The following SLFN11 variants were observed in gnomAD, a reference collection of about 807,000 sequenced individuals.
SLFN11 encodes schlafen family member 11.
A neutral mutation model predicts 53.4 loss-of-function variants in SLFN11; 43 were observed. The ratio of observed to expected loss-of-function variants is 0.80; its 90% CI spans 0.63 to 1.04. The LOEUF is 1.04. Among genes scored for constraint, SLFN11 ranks in the 50% least tolerant of loss-of-function variants. The pLI, the probability that SLFN11 is intolerant of heterozygous loss-of-function variation, is 0.00. For missense variants in SLFN11, 990 were observed against 1,079.1 expected, an observed-to-expected ratio of 0.92 and a Z score of 1.16; for synonymous variants, 389 against 394.7, an observed-to-expected ratio of 0.99 and a Z score of 0.17.
chr17:35,354,042 G>A lies in SLFN11; in HGVS notation c.1216C>T (p.Arg406Ter), dbSNP rs200518229. ...LLFSVPPGYL[R>*]YTPESLWRDL... ...CTCCAGAGTGACTCTGGAGTATATC[G>A]CAAATATCCTGGTGGGACTGTATGT... The change falls in exon 6 of 7, where the codon CGA (arginine) becomes TGA (stop). Residue 406 changes from arginine (R) to a stop codon, truncating the protein, a stop_gained. Coordinates refer to ENST00000685675, the MANE Select transcript of SLFN11 (RefSeq NM_001376007.1). LOFTEE classifies it high-confidence loss of function. 3.7e-5 allele frequency: 60 copies of A among 1,609,864 alleles called. No homozygotes were observed. The highest frequency in any genetic ancestry group is 5.4e-5 in the African/African-American group (4 of 74,744).
chr17:35,370,593 A>G (rs1909521067), intron 1 of SLFN11, among the ~76,000 whole-genome samples: 1 of 152,146 alleles, frequency 6.6e-6, no homozygotes, highest in East Asian at 1.9e-4. Flanking sequence ...ACTATACCAG[A>G]TAACTATTAG....
At chr17:35,367,968 G>A (rs748110926) in intron 1 of SLFN11, among the ~76,000 whole-genome samples, 2 of 152,016 alleles carry the variant, frequency 1.3e-5, no homozygotes, top group African/African-American at 4.8e-5. Context: ...ACCCCCAAGC[G>A]AGGGGCTCAG....
intron 1 of SLFN11, among the ~76,000 whole-genome samples, chr17:35,373,032 G>A (rs1463260919): frequency 6.6e-6 from 1 of 151,962 alleles, no homozygotes; most frequent in Non-Finnish European, 1.5e-5. Context: ...GTGGTTGGTC[G>A]GTCACATAGA....
rs1293648240 is a variant in SLFN11 at position 35,350,798 on chromosome 17, A to T, written c.*1558T>A. The T allele has an allele frequency of 6.6e-6, 1 of 152,262 alleles. No homozygotes were observed. The highest frequency in any genetic ancestry group is 1.5e-5 in the Non-Finnish European group (1 of 68,046). 9.4% of individuals were successfully genotyped at this position (152,262 alleles called of 1,614,324 possible). A position where few individuals can be genotyped will look rare whatever the true frequency, so the allele number is the denominator to read the frequency against. The stretch of plus-strand genomic sequence containing the variant: ...GACAGGAGAAAGGCAAGGAAGTTCA[A>T]AAATCACAGTCTGGGGGGAAATCAG... On this transcript the variant is annotated 3_prime_UTR_variant, in exon 7 of 7. Coordinates refer to ENST00000685675, the MANE Select transcript of SLFN11 (RefSeq NM_001376007.1).
At position 35,367,786 on chromosome 17, in the gene SLFN11, C is replaced by CGGTTTCCATTTATTAGCTGTAT. The variant is rs767595664; in HGVS notation, c.-234-108_-234-87dup. On this transcript the variant is annotated intron_variant, in intron 1 of 6. Transcript: ENST00000685675. ...TCAGCTCTGCCATTTATTAGCTGTA[C>CGGTTTCCATTTATTAGCTGTAT]GGTTTCCATTTATTAGCTGTATGGT... 6.4e-4 allele frequency: 97 copies of CGGTTTCCATTTATTAGCTGTAT among 152,174 alleles called. 1 individual carries two copies. The highest frequency in any genetic ancestry group is 2.7e-3 in the Admixed American group (41 of 15,246). The allele number at this position is 152,174 out of a possible 1,614,324, so 9.4% of individuals were successfully genotyped here.
intron 5 of SLFN11, among the ~76,000 whole-genome samples, chr17:35,356,797 T>TACACACACACACAC (rs61566848): frequency 9.8e-4 from 138 of 140,182 alleles, no homozygotes; most frequent in African/African-American, 2.6e-3. Flanking sequence ...ATATGTAGCA[T>TACACACACACACAC]ACACACACAC....
intron 5 of SLFN11, among the ~76,000 whole-genome samples, chr17:35,356,006 A>G (rs571204666): frequency 6.6e-6 from 1 of 152,246 alleles, no homozygotes; most frequent in East Asian, 1.9e-4. Context: ...ACCATAAGAA[A>G]TCAATCAGGT....
intron 5 of SLFN11, among the ~76,000 whole-genome samples, chr17:35,359,773 A>T (rs1907970580): frequency 6.6e-6 from 1 of 152,156 alleles, no homozygotes; most frequent in African/African-American, 2.4e-5. Context: ...TGGCAAGGGC[A>T]GGCAGTTTTT....
intron 5 of SLFN11, 45 bp from the exon 6 acceptor site, chr17:35,354,104 TATTG>T: frequency 1.3e-6 from 2 of 1,499,102 alleles, no homozygotes; most frequent in South Asian, 1.4e-5. Context: ...GAAATAACCC[TATTG>T]ATTAAGATGA....
intron 1 of SLFN11, among the ~76,000 whole-genome samples, chr17:35,369,628 C>T (rs1909408819): frequency 6.6e-6 from 1 of 151,892 alleles, no homozygotes; most frequent in African/African-American, 2.4e-5. Context: ...CTTTACCAGG[C>T]TACCTGAGAA....
intron 5 of SLFN11, among the ~76,000 whole-genome samples, chr17:35,355,045 C>T (rs1176360305): frequency 6.6e-6 from 1 of 152,032 alleles, no homozygotes; most frequent in African/African-American, 2.4e-5. Context: ...GGGAGATACA[C>T]ATCTTAGAAT....
rs138127975 is a variant in SLFN11, at chr17:35,362,932, C to T, written c.876G>A (p.Pro292=). The change falls in exon 4 of 7, where the codon CCG becomes CCA. Residue 292 remains proline, a synonymous_variant. Transcript: ENST00000685675. ...PCVHFCQPQR[P]ITFTLKIVNV... ...TCACAATTTTGAGTGTGAAGGTTAT[C>T]GGGCGTTGGGGTTGGCAAAAATGAA... The T allele has an allele frequency of 7.4e-6, 12 of 1,613,428 alleles. No homozygotes were observed. The highest frequency in any genetic ancestry group is 2.2e-5 in the East Asian group (1 of 44,900).
rs558650106 is a variant in SLFN11 at position 35,367,282 on chromosome 17, C to T, written c.-136-219G>A. ...TGCCCCATAAACTTTATTGTCAAAG[C>T]CAATAGATTATAGTTTTTGGTTGGC... On this transcript the variant is annotated intron_variant, in intron 2 of 6. Transcript: ENST00000685675. 2.0e-5 allele frequency: 3 copies of T among 152,156 alleles called. No individual in the cohort carries two copies. The East Asian group carries it at 5.8e-4, about 29-fold the overall frequency. The allele number at this position is 152,156 out of a possible 1,614,324, so 9.4% of individuals were successfully genotyped here.
At chr17:35,372,366 A>G (rs1909792184) in intron 1 of SLFN11, among the ~76,000 whole-genome samples, 1 of 151,848 alleles carries the variant, frequency 6.6e-6, no homozygotes. Context: ...GTACAAAAAA[A>G]TTAGAATGAA....
intron 3 of SLFN11, among the ~76,000 whole-genome samples, chr17:35,365,271 A>G (rs1209256304): frequency 6.6e-6 from 1 of 152,098 alleles, no homozygotes; most frequent in Non-Finnish European, 1.5e-5. Context: ...AGACAGAGGC[A>G]CTTGGTATAA....
chr17:35,356,631 T>C (rs752105120), intron 5 of SLFN11, among the ~76,000 whole-genome samples: 3 of 152,156 alleles, frequency 2.0e-5, no homozygotes, highest in Admixed American at 6.5e-5. Context: ...CAATTCCTTA[T>C]TCTTTTCTTA....
rs199944678 is a variant in SLFN11 at position 35,352,730 on chromosome 17, G to A, written c.2332C>T (p.Arg778Ter). ...TCCACAGTCAAGTATTTCTTAATTC[G>A]TAAGGTTCCCTGAACACCCTGGGAC... ...EWSQGVQGTLRIKKYLTVEQI... is the reference protein window; with the variant it reads ...EWSQGVQGTL Residue 778 changes from arginine to a stop codon, truncating the protein, a stop_gained, in exon 7 of 7, where the codon CGA (arginine) becomes TGA (stop). Transcript: ENST00000685675. LOFTEE classifies it low-confidence loss of function (END_TRUNC). 1.5e-5 allele frequency: 24 copies of A among 1,614,030 alleles called. No individual in the cohort carries two copies. Among genetic ancestry groups the A allele is most frequent in the Non-Finnish European group, 2.0e-5 (24 of 1,180,034 alleles).
Position 35,352,227 on chromosome 17 carries a change from G to A in SLFN11, c.*129C>T. The stretch of plus-strand genomic sequence containing the variant: ...AACCCCTGAAAGGAGAGCCAGAAAT[G>A]GGGGAGCTCCAAACTCTTTGTGTCA... On this transcript the variant is annotated 3_prime_UTR_variant, in exon 7 of 7. Transcript: ENST00000685675. 8.3e-7 allele frequency: 1 copy of A among 1,210,714 alleles called. No homozygotes were observed. Among genetic ancestry groups the A allele is most frequent in the Non-Finnish European group, 1.2e-6 (1 of 866,564 alleles). The allele number at this position is 1,210,714 out of a possible 1,614,324, so 75.0% of individuals were successfully genotyped here.
chr17:35,364,884 G>T (rs7225095), intron 3 of SLFN11, among the ~76,000 whole-genome samples: 34,914 of 151,888 alleles, frequency 0.23, 4,263 homozygotes, highest in East Asian at 0.34. Flanking sequence ...CATCAAATAC[G>T]CACAACTTGT....
Sources: gnomAD v4.1 joint callset for allele counts (sites outside exome capture counted in the v4.1 genomes callset) on GRCh38, gnomAD v4.1.1 for gene constraint, MANE v1.5 for transcripts, NCBI Gene and HGNC (gene_info 2026-07-23, HGNC 2026-07-21) for gene names.